Variants in ELMOD1 observed in about 807,000 individuals in gnomAD.
The protein encoded by ELMOD1 is ELMO domain-containing protein 1.
In ELMOD1, 21 loss-of-function variants were observed where a neutral mutation model predicts 46.7. The observed-to-expected ratio is 0.45, with a 90% confidence interval of 0.32 to 0.65. The LOEUF (loss-of-function observed/expected upper bound fraction) is 0.65. Ranked by LOEUF, ELMOD1 falls within the 30% of genes least tolerant of loss-of-function variation. The pLI is 0.04. For synonymous variants in ELMOD1, 122 were observed against 138.2 expected (o/e 0.88, Z 0.82); for missense variants, 348 against 407.8 (o/e 0.85, Z 1.26).
rs191248609 is a variant in ELMOD1, at chr11:107,627,145, G to A, written c.18-3272G>A. 2.7e-3 allele frequency among the ~76,000 whole-genome samples: 412 copies of A among 152,298 alleles called. 5 individuals carry two copies. The highest frequency in any genetic ancestry group is 9.4e-3 in the African/African-American group (391 of 41,560). ...GCATAGCAGGAAAGTATGGTACCTA[G>A]CACAGCAAGCTGAGGTTTTAATTAA... On this transcript the variant is annotated intron_variant, in intron 2 of 11. Coordinates refer to ENST00000265840, the MANE Select transcript of ELMOD1 (RefSeq NM_018712.4).
rs1359376994 is a variant in ELMOD1 at position 107,630,711 on chromosome 11, A to T, written c.175A>T (p.Arg59Trp). The part of the protein sequence containing the change: ...SRTMKIETSL[R>W]DSKSKLLQTS... Reference sequence around the variant, plus strand: ...TGCTGCTTTCACAGAAACATCACTGAGGGATTCTAAAAGTAAGGTAAGTAA... The same window carrying T: ...TGCTGCTTTCACAGAAACATCACTGTGGGATTCTAAAAGTAAGGTAAGTAA... Residue 59 changes from arginine to tryptophan, a missense_variant, in exon 4 of 12, where the codon AGG (arginine) becomes TGG (tryptophan). Physicochemically the swap from Arg to Trp is moderately radical, Grantham distance 101 (BLOSUM62 -3). Transcript: ENST00000265840. 6.2e-7 allele frequency: 1 copy of T among 1,607,618 alleles called. No individual in the cohort carries two copies. The highest frequency in any genetic ancestry group is 1.3e-5 in the African/African-American group (1 of 74,884).
At chr11:107,643,014 C>A in intron 6 of ELMOD1, 1 of 234,868 alleles carries the variant, frequency 4.3e-6, no homozygotes. Flanking sequence ...AAAAATGTTT[C>A]GTTTTCATAT....
rs1591120045 is a variant in ELMOD1 at position 107,630,283 on chromosome 11, G to C, written c.18-134G>C. On this transcript the variant is annotated intron_variant, in intron 2 of 11. Coordinates refer to ENST00000265840, the MANE Select transcript of ELMOD1 (RefSeq NM_018712.4). ...CTGCAAATAAAGTAGCATGGGACTAGAAACATATGTTAAGTATAAGGTGAT... is the reference window on the plus strand; with the variant it reads ...CTGCAAATAAAGTAGCATGGGACTACAAACATATGTTAAGTATAAGGTGAT... The C allele has an allele frequency of 4.1e-6, 3 of 723,734 alleles. No homozygotes were observed. The East Asian group carries it at 8.4e-5, about 20-fold the overall frequency. The allele number at this position is 723,734 out of a possible 1,614,324, so 44.8% of individuals were successfully genotyped here.
intron 10 of ELMOD1, 29 bp downstream of exon 10, chr11:107,654,251 G>A (rs1307603214): frequency 2.5e-5 from 39 of 1,571,468 alleles, no homozygotes; most frequent in Non-Finnish European, 3.1e-5. Context: ...ATGGAAAGAT[G>A]GTCCGTCTGA....
At chr11:107,631,553 G>C in intron 4 of ELMOD1, 27 bp from the exon 5 acceptor site, 2 of 1,459,692 alleles carry the variant, frequency 1.4e-6, no homozygotes, top group Non-Finnish European at 1.9e-6. Context: ...TTAATGAAAA[G>C]GAAAGTGATT....
intron 11 of ELMOD1, among the ~76,000 whole-genome samples, chr11:107,664,208 A>AG: frequency 6.6e-6 from 1 of 150,898 alleles, no homozygotes; most frequent in East Asian, 1.9e-4. Flanking sequence ...ACACATAGAG[A>AG]CACCTGAGCT....
intron 6 of ELMOD1, among the ~76,000 whole-genome samples, chr11:107,646,921 T>C (rs191999419): frequency 3.3e-4 from 50 of 151,812 alleles, no homozygotes; most frequent in Non-Finnish European, 6.2e-4. Context: ...CAAAGAGCTT[T>C]TTTGTGGGAG....
intron 6 of ELMOD1, among the ~76,000 whole-genome samples, chr11:107,644,307 A>G (rs975654480): frequency 1.5e-4 from 23 of 152,010 alleles, no homozygotes; most frequent in African/African-American, 4.1e-4. Flanking sequence ...AAAGAAAAAA[A>G]AAAAAAGCAT....
At chr11:107,614,003 C>G (rs1865820626) in intron 1 of ELMOD1, among the ~76,000 whole-genome samples, 1 of 152,144 alleles carries the variant, frequency 6.6e-6, no homozygotes, top group East Asian at 1.9e-4. Flanking sequence ...CTTTTTATAC[C>G]CAGATCCCCA....
chr11:107,648,764 A>ATTT (rs11369220), intron 7 of ELMOD1, among the ~76,000 whole-genome samples: 10 of 147,614 alleles, frequency 6.8e-5, no homozygotes, highest in South Asian at 2.1e-4. Flanking sequence ...GTTAGTGTCA[A>ATTT]TTTTTTTTTT....
intron 6 of ELMOD1, among the ~76,000 whole-genome samples, chr11:107,638,527 A>G (rs939120611): frequency 1.3e-4 from 20 of 152,152 alleles, no homozygotes; most frequent in African/African-American, 4.6e-4. Flanking sequence ...AACAAACCAC[A>G]TCTTGTTCAC....
Position 107,665,254 on chromosome 11 carries a change from T to A in ELMOD1, c.*57T>A. 1 of 1,567,206 alleles carries A rather than the reference T, an allele frequency of 6.4e-7. No individual in the cohort carries two copies. On this transcript the variant is annotated 3_prime_UTR_variant, in exon 12 of 12. Coordinates refer to ENST00000265840, the MANE Select transcript of ELMOD1 (RefSeq NM_018712.4). ...AACACTGCCTCATTGTCTTGTTAGA[T>A]CTCTGCTTAGGTCGCAGCTCACGCA...
At chr11:107,602,962 C>T (rs979446502) in intron 1 of ELMOD1, among the ~76,000 whole-genome samples, 3 of 152,162 alleles carry the variant, frequency 2.0e-5, no homozygotes, top group Non-Finnish European at 4.4e-5. Flanking sequence ...GATAACTCCT[C>T]TAATATCCTA....
chr11:107,662,122 G>A (rs1866749241), intron 11 of ELMOD1, among the ~76,000 whole-genome samples: 1 of 152,216 alleles, frequency 6.6e-6, no homozygotes, highest in African/African-American at 2.4e-5. Context: ...TTTAGGCCCA[G>A]AATGAGGAAG....
intron 1 of ELMOD1, among the ~76,000 whole-genome samples, chr11:107,616,472 C>T (rs928967939): frequency 6.6e-6 from 1 of 152,038 alleles, no homozygotes; most frequent in African/African-American, 2.4e-5. Flanking sequence ...CTCCACCTCC[C>T]GGTTCAAGTG....
chr11:107,665,046 A>C lies in ELMOD1; in HGVS notation c.854A>C (p.His285Pro), dbSNP rs754261524. The stretch of plus-strand genomic sequence containing the variant: ...ACAGGCTATTTGATGCATGAATTTC[A>C]TAAGTTTTGGATCGAAGAGGACCCC... ...QTFCYLMHEF[H>P]KFWIEEDPMD... Residue 285 changes from histidine (H) to proline (P), a missense_variant, in exon 12 of 12, where the codon CAT (histidine) becomes CCT (proline). By Grantham distance (77) the His-to-Pro change is moderately conservative. Coordinates refer to ENST00000265840, the MANE Select transcript of ELMOD1 (RefSeq NM_018712.4). 2.5e-6 allele frequency: 4 copies of C among 1,613,302 alleles called. No individual in the cohort carries two copies. Among genetic ancestry groups the C allele is most frequent in the Non-Finnish European group, 3.4e-6 (4 of 1,179,604 alleles).
chr11:107,618,920 G>A (rs1027578937), intron 2 of ELMOD1, among the ~76,000 whole-genome samples: 1 of 152,168 alleles, frequency 6.6e-6, no homozygotes, highest in African/African-American at 2.4e-5. Context: ...AATAAAGTTA[G>A]TCAGGTCCTG....
chr11:107,642,844 T>C lies in ELMOD1; in HGVS notation c.421-4624T>C, dbSNP rs749068068. 1.9e-5 allele frequency: 5 copies of C among 259,988 alleles called. No homozygotes were observed. The East Asian group carries it at 5.7e-4, about 30-fold the overall frequency. The allele number at this position is 259,988 out of a possible 1,614,324, so 16.1% of individuals were successfully genotyped here. A position where few individuals can be genotyped will look rare whatever the true frequency, so the allele number is the denominator to read the frequency against. On this transcript the variant is annotated intron_variant, in intron 6 of 11. Transcript: ENST00000265840. Reference sequence around the variant, plus strand: ...AATGATACATACCGTACATAATTAATGTTAATCATGTGATCGTTATATTTT... The same window carrying C: ...AATGATACATACCGTACATAATTAACGTTAATCATGTGATCGTTATATTTT...
intron 1 of ELMOD1, among the ~76,000 whole-genome samples, chr11:107,602,973 C>T (rs1865627782): frequency 6.6e-6 from 1 of 152,242 alleles, no homozygotes; most frequent in South Asian, 2.1e-4. Context: ...TAATATCCTA[C>T]CTGAGGAGTA....
Sources: gnomAD v4.1 joint callset for allele counts (sites outside exome capture counted in the v4.1 genomes callset) on GRCh38, gnomAD v4.1.1 for gene constraint, MANE v1.5 for transcripts, NCBI Gene and HGNC (gene_info 2026-07-23, HGNC 2026-07-21) for gene names.